The following OR9G4 variants were observed in gnomAD, a reference collection of about 807,000 sequenced individuals.
OR9G4 encodes the protein olfactory receptor 9G4.
OR9G4 carries 19 observed loss-of-function variants against 16.7 expected under a neutral mutation model. That is an observed-to-expected ratio of 1.14 (90% CI 0.79 to 1.67). OR9G4 has a LOEUF of 1.67. Ranked by LOEUF, OR9G4 falls within the 40% of genes most tolerant of loss-of-function variation. The pLI is 0.00. For missense variants in OR9G4, 428 were observed against 370.4 expected, an observed-to-expected ratio of 1.16 and a Z score of -1.28; for synonymous variants, 182 against 146.2, an observed-to-expected ratio of 1.24 and a Z score of -1.76.
Position 56,742,226 on chromosome 11 carries a change from C to A in OR9G4, c.*602G>T, listed in dbSNP as rs1307609260. ...AGGATGATATGCAATTCTAAAGACA[C>A]ATATTTATTCATTAATTTTGAGATA... On this transcript the variant is annotated 3_prime_UTR_variant, in exon 2 of 2. Coordinates refer to ENST00000641668, the MANE Select transcript of OR9G4 (RefSeq NM_001005284.2). The A allele has an allele frequency of 6.5e-6, 1 of 152,858 alleles. No homozygotes were observed. Among genetic ancestry groups the A allele is most frequent in the Non-Finnish European group, 1.5e-5 (1 of 68,628 alleles). 9.5% of individuals were successfully genotyped at this position (152,858 alleles called of 1,614,324 possible).
chr11:56,745,805 A>G (rs1858399674), intron 1 of OR9G4, among the ~76,000 whole-genome samples: 1 of 151,758 alleles, frequency 6.6e-6, no homozygotes, highest in African/African-American at 2.4e-5. Context: ...AAAAACTTTC[A>G]TGAAACAATA....
chr11:56,746,067 G>A lies in OR9G4; in HGVS notation c.-22-2279C>T, dbSNP rs183578525. On this transcript the variant is annotated intron_variant, in intron 1 of 1. Transcript: ENST00000641668. ...CCAGCACTTTGGGAGGCCGAGGCGG[G>A]CGGATCACAAGGTCAGGAGATCGAG... is the stretch of plus-strand genomic sequence containing the variant. Among the ~76,000 whole-genome samples the A allele has an allele frequency of 1.4e-3, 219 of 152,020 alleles. 3 individuals are homozygous for A. The East Asian group carries it at 0.037, about 25-fold the overall frequency.
chr11:56,743,859 A>G (rs189240816), intron 1 of OR9G4, 71 bp from the exon 2 acceptor site: 1 of 1,509,698 alleles, frequency 6.6e-7, no homozygotes, highest in Non-Finnish European at 9.0e-7. Flanking sequence ...GTATCAATTA[A>G]ATCAACAATT....
chr11:56,746,162 G>A (rs934064737), intron 1 of OR9G4, among the ~76,000 whole-genome samples: 48 of 149,774 alleles, frequency 3.2e-4, no homozygotes, highest in African/African-American at 1.0e-3. Context: ...GCGTAGTGGC[G>A]GGCGCCTGTA....
intron 1 of OR9G4, 119 bp from the exon 2 acceptor site, chr11:56,743,907 G>A (rs1286195975): frequency 3.5e-6 from 4 of 1,130,806 alleles, no homozygotes; most frequent in East Asian, 2.4e-5. Flanking sequence ...TTACTATCTA[G>A]AATTATAGGA....
intron 1 of OR9G4, among the ~76,000 whole-genome samples, chr11:56,748,338 G>T (rs2135064226): frequency 6.6e-6 from 1 of 152,322 alleles, no homozygotes; most frequent in African/African-American, 2.4e-5. Context: ...CCATACACTA[G>T]TAGTTTAGAG....
intron 1 of OR9G4, among the ~76,000 whole-genome samples, chr11:56,747,183 TTTATTA>T (rs71058030): frequency 0.079 from 11,211 of 142,668 alleles, 1,435 homozygotes; most frequent in African/African-American, 0.27. Context: ...GCATCAAAGA[TTTATTA>T]TTATTATTAT....
chr11:56,747,060 CCCT>C (rs971278839), intron 1 of OR9G4, among the ~76,000 whole-genome samples: 1 of 152,208 alleles, frequency 6.6e-6, no homozygotes, highest in Admixed American at 6.5e-5. Context: ...ATCTGTCTCT[CCCT>C]TACCTAAAGA....
chr11:56,744,551 T>C (rs991274581), intron 1 of OR9G4, among the ~76,000 whole-genome samples: 8 of 152,198 alleles, frequency 5.3e-5, no homozygotes, highest in African/African-American at 9.7e-5. Context: ...ATTACAAATA[T>C]AAATACATTA....
Position 56,743,661 on chromosome 11 carries a change from A to G in OR9G4, c.106T>C (p.Leu36=). 1 of 1,614,138 alleles carries G rather than the reference A, an allele frequency of 6.2e-7. No homozygotes were observed. The highest frequency in any genetic ancestry group is 8.5e-7 in the Non-Finnish European group (1 of 1,179,998). ...GTCATGTTTCCTGACAAGGTTATCA[A>G]ATAGAGCATCAGAAACACTCCAAAT... ...ILFGVFLMLY[L]ITLSGNMTLV... Residue 36 remains leucine (L), a synonymous_variant, in exon 2 of 2, where the codon TTG becomes CTG. Coordinates refer to ENST00000641668, the MANE Select transcript of OR9G4 (RefSeq NM_001005284.2).
At position 56,741,923 on chromosome 11, in the gene OR9G4, T is replaced by C. The variant is rs1240337807; in HGVS notation, c.*905A>G. ...GGCTCGAGGCCAAGGCTAGTTTCCA[T>C]GTGGTTAGCAACATGTTTGATTTTT... On this transcript the variant is annotated 3_prime_UTR_variant, in exon 2 of 2. Coordinates refer to ENST00000641668, the MANE Select transcript of OR9G4 (RefSeq NM_001005284.2). 6.6e-6 allele frequency: 1 copy of C among 152,270 alleles called. No individual in the cohort carries two copies. Among genetic ancestry groups the C allele is most frequent in the Non-Finnish European group, 1.5e-5 (1 of 68,084 alleles). The allele number at this position is 152,270 out of a possible 1,614,324, so 9.4% of individuals were successfully genotyped here. A position where few individuals can be genotyped will look rare whatever the true frequency, so the allele number is the denominator to read the frequency against.
chr11:56,743,999 T>C (rs1422223525), intron 1 of OR9G4: 3 of 585,838 alleles, frequency 5.1e-6, no homozygotes, highest in Non-Finnish European at 8.9e-6. Context: ...ATTAACTATT[T>C]AATGCAGGAC....
intron 1 of OR9G4, among the ~76,000 whole-genome samples, chr11:56,744,808 T>C (rs1288637091): frequency 1.3e-5 from 2 of 152,214 alleles, no homozygotes; most frequent in Admixed American, 1.3e-4. Context: ...CCCAGCTGAC[T>C]GCAAGTTGTC....
intron 1 of OR9G4, among the ~76,000 whole-genome samples, chr11:56,745,643 AC>A (rs2135061343): frequency 6.6e-6 from 1 of 152,104 alleles, no homozygotes; most frequent in East Asian, 1.9e-4. Context: ...GTGGTGGTAC[AC>A]GGCTGTAATC....
chr11:56,745,850 G>A (rs1466183964), intron 1 of OR9G4, among the ~76,000 whole-genome samples: 1 of 151,880 alleles, frequency 6.6e-6, no homozygotes. Flanking sequence ...GTGTGGCAGA[G>A]CAGATTAACA....
At chr11:56,748,413 G>A (rs1403395528) in intron 1 of OR9G4, among the ~76,000 whole-genome samples, 1 of 152,220 alleles carries the variant, frequency 6.6e-6, no homozygotes, top group Non-Finnish European at 1.5e-5. Context: ...TTTTCACTGT[G>A]TGAGTGAATA....
At chr11:56,745,049 C>T (rs561649599) in intron 1 of OR9G4, among the ~76,000 whole-genome samples, 2 of 152,038 alleles carry the variant, frequency 1.3e-5, no homozygotes, top group Admixed American at 1.3e-4. Flanking sequence ...TCCAAAAGGG[C>T]GAGAAAACAT....
chr11:56,748,393 C>T (rs527783179), intron 1 of OR9G4, among the ~76,000 whole-genome samples: 1 of 152,192 alleles, frequency 6.6e-6, no homozygotes, highest in South Asian at 2.1e-4. Context: ...ATTTTTTTGT[C>T]CTCTTGATTT....
rs1858350710 is a variant in OR9G4 at position 56,743,588 on chromosome 11, T to C, written c.179A>G (p.Tyr60Cys). Reference protein sequence around the residue: ...RTDSHLHTPMYFFIGNLSFLD... With the variant: ...RTDSHLHTPMCFFIGNLSFLD... ...AAAAGACAGATTGCCAATGAAAAAG[T>C]ACATAGGTGTATGCAAGTGGGAATC... is the stretch of plus-strand genomic sequence containing the variant. The change falls in exon 2 of 2, where the codon TAC becomes TGC. Residue 60 changes from tyrosine to cysteine, a missense_variant. Physicochemically the swap from Tyr to Cys is radical, Grantham distance 194. Transcript: ENST00000641668. 1.9e-6 allele frequency: 3 copies of C among 1,614,030 alleles called. No homozygotes were observed. The highest frequency in any genetic ancestry group is 1.1e-5 in the South Asian group (1 of 91,090).
Sources: allele counts gnomAD v4.1 joint callset (sites outside exome capture counted in the v4.1 genomes callset), GRCh38; gene constraint gnomAD v4.1.1; transcripts MANE v1.5; gene names NCBI Gene and HGNC (gene_info 2026-07-23, HGNC 2026-07-21).